PRDM10: variants seen among roughly 807,000 people sequenced by gnomAD.
PRDM10 encodes PR/SET domain 10.
A neutral mutation model predicts 133.1 loss-of-function variants in PRDM10; 65 were observed. That is an observed-to-expected ratio of 0.49 (90% CI 0.40 to 0.60). The LOEUF (loss-of-function observed/expected upper bound fraction) is 0.60, where lower values mean the gene tolerates loss of function less well. Ranked by LOEUF, PRDM10 falls within the 20% of genes least tolerant of loss-of-function variation. PRDM10 has a pLI of 0.00. For missense variants in PRDM10, 1,137 were observed against 1,507.1 expected (o/e 0.75, Z 4.07); for synonymous variants, 582 against 580.4 (o/e 1.00, Z -0.04).
In PRDM10 at chr11:129,929,739, G is replaced by GT. The variant is rs540427228; in HGVS notation, c.1530+1276dup. Among the ~76,000 whole-genome samples the GT allele has an allele frequency of 1.7e-3, 213 of 123,742 alleles. 1 individual carries two copies. The highest frequency in any genetic ancestry group is 4.1e-3 in the Middle Eastern group (1 of 242). 81.2% of individuals were successfully genotyped at this position (123,742 alleles called of 152,430 possible). ...AACTTCACTGCATGTGTGGGCTTCG[G>GT]TTTTTTTTTTTCCTTCCAAAAAAAA... On this transcript the variant is annotated intron_variant, in intron 11 of 20. Coordinates refer to ENST00000360871, the MANE Select transcript of PRDM10 (RefSeq NM_199437.2).
Position 129,945,220 on chromosome 11 carries a change from T to C in PRDM10, c.521-208A>G, listed in dbSNP as rs1386380884. Among the ~76,000 whole-genome samples, 2 of 152,134 alleles carry C rather than the reference T, an allele frequency of 1.3e-5. No individual in the cohort carries two copies. The highest frequency in any genetic ancestry group is 1.3e-4 in the Admixed American group (2 of 15,268). ...ATTCTCCTCTAAAATCAGACAGAATTTGCTTATGCCTGCCAAAAACAACTA... is the reference window on the plus strand; with the variant it reads ...ATTCTCCTCTAAAATCAGACAGAATCTGCTTATGCCTGCCAAAAACAACTA... On this transcript the variant is annotated intron_variant, in intron 5 of 20. Coordinates refer to ENST00000360871, the MANE Select transcript of PRDM10 (RefSeq NM_199437.2). The surrounding 1 kb of genome is among the most constrained non-coding windows in gnomAD (Gnocchi z 4.2).
Position 129,945,031 on chromosome 11 carries a change from C to A in PRDM10, c.521-19G>T. 1 of 1,607,508 alleles carries A rather than the reference C, an allele frequency of 6.2e-7. No homozygotes were observed. On this transcript the variant is annotated intron_variant, in intron 5 of 20. Transcript: ENST00000360871. This position sits in a 1 kb window ranked among gnomAD's most constrained non-coding sequence, Gnocchi z 4.2. Reference sequence around the variant, plus strand: ...TCACACCCTGCAAAAGAGAGACAGTCTTGAAGAAAAGTCCAATTCCTCAGT... The same window carrying A: ...TCACACCCTGCAAAAGAGAGACAGTATTGAAGAAAAGTCCAATTCCTCAGT...
chr11:129,920,020 ATCTT>A (rs1288860037), intron 13 of PRDM10, among the ~76,000 whole-genome samples: 1 of 152,198 alleles, frequency 6.6e-6, no homozygotes, highest in Non-Finnish European at 1.5e-5. Flanking sequence ...ACGTGACAGT[ATCTT>A]TCTTTAGTGT....
chr11:129,987,949 C>T lies in PRDM10; in HGVS notation c.-119+14773G>A, dbSNP rs373430398. 1.3e-4 allele frequency among the ~76,000 whole-genome samples: 20 copies of T among 152,084 alleles called. No individual in the cohort carries two copies. In the East Asian group the frequency reaches 2.3e-3, roughly 18 times the overall value. Reference sequence around the variant, plus strand: ...CCAGGAGGCGGAGCTTGCAGTGAGCCGAGATAGCGCCACTGCAGTCTGGCC... The same window carrying T: ...CCAGGAGGCGGAGCTTGCAGTGAGCTGAGATAGCGCCACTGCAGTCTGGCC... On this transcript the variant is annotated intron_variant, in intron 1 of 20. Transcript: ENST00000360871.
rs1374254533 is a variant in PRDM10, at chr11:129,899,763, C to T, written c.*2550G>A. Reference sequence around the variant, plus strand: ...TAAAAAATATATTTATTAATTTTTACACCTGCTGCATAGCACAAGACTATT... The same window carrying T: ...TAAAAAATATATTTATTAATTTTTATACCTGCTGCATAGCACAAGACTATT... On this transcript the variant is annotated 3_prime_UTR_variant, in exon 21 of 21. Transcript: ENST00000360871. The T allele has an allele frequency of 1.3e-5, 2 of 152,578 alleles. No individual in the cohort carries two copies. The highest frequency in any genetic ancestry group is 2.9e-5 in the Non-Finnish European group (2 of 68,032). The allele number at this position is 152,578 out of a possible 1,614,324, so 9.5% of individuals were successfully genotyped here. A position where few individuals can be genotyped will look rare whatever the true frequency, so the allele number is the denominator to read the frequency against.
At chr11:129,956,032 A>G (rs752302256) in intron 3 of PRDM10, among the ~76,000 whole-genome samples, 1 of 152,246 alleles carries the variant, frequency 6.6e-6, no homozygotes, top group Non-Finnish European at 1.5e-5. Flanking sequence ...TTCAAATGTA[A>G]GTGCATGTTT....
chr11:129,939,305 T>A (rs1259152617), intron 7 of PRDM10, among the ~76,000 whole-genome samples: 1 of 152,248 alleles, frequency 6.6e-6, no homozygotes, highest in Non-Finnish European at 1.5e-5. Context: ...ATATGATTTT[T>A]ACGGATTATT....
intron 17 of PRDM10, among the ~76,000 whole-genome samples, chr11:129,912,981 A>G (rs1950237290): frequency 6.6e-6 from 1 of 151,488 alleles, no homozygotes; most frequent in Admixed American, 6.6e-5. Flanking sequence ...AATCACTTGA[A>G]CCTGGGAGGC....
chr11:129,986,437 G>A (rs1437922889), intron 1 of PRDM10, among the ~76,000 whole-genome samples: 5 of 152,154 alleles, frequency 3.3e-5, no homozygotes, highest in African/African-American at 1.2e-4. Context: ...CGCCCAGGCT[G>A]GAGTGCAGTG....
At chr11:129,978,542 G>A (rs531537727) in intron 1 of PRDM10, among the ~76,000 whole-genome samples, 94 of 152,308 alleles carry the variant, frequency 6.2e-4, no homozygotes, top group Non-Finnish European at 1.1e-3. Context: ...CCAACCAACC[G>A]GGTGAGAAAA....
intron 20 of PRDM10, 38 bp from the exon 21 acceptor site, chr11:129,902,554 C>T: frequency 6.3e-7 from 1 of 1,593,234 alleles, no homozygotes; most frequent in South Asian, 1.1e-5. Context: ...AAACTTGGGG[C>T]CTTAAAGGGA....
In PRDM10 at chr11:129,927,176, C is replaced by CAAAAA. The variant is rs57015735; in HGVS notation, c.1531-1952_1531-1948dup. ...TGGAGGTTGCAGTGAGACTCTGTCT[C>CAAAAA]AAAAAAAAAAAAAAAAAAAAAAAAA... On this transcript the variant is annotated intron_variant, in intron 11 of 20. Coordinates refer to ENST00000360871, the MANE Select transcript of PRDM10 (RefSeq NM_199437.2). 3.0e-4 allele frequency among the ~76,000 whole-genome samples: 24 copies of CAAAAA among 79,372 alleles called. 1 individual carries two copies. The highest frequency in any genetic ancestry group is 3.3e-4 in the Non-Finnish European group (13 of 39,362). The allele number at this position is 79,372 out of a possible 152,430, so 52.1% of individuals were successfully genotyped here.
intron 11 of PRDM10, among the ~76,000 whole-genome samples, chr11:129,929,657 C>A (rs1950789382): frequency 6.6e-6 from 1 of 151,836 alleles, no homozygotes; most frequent in Non-Finnish European, 1.5e-5. Context: ...AAACCAGTAA[C>A]CCTGCTCATT....
chr11:129,919,430 T>A (rs988808891), intron 13 of PRDM10, among the ~76,000 whole-genome samples: 2 of 152,170 alleles, frequency 1.3e-5, no homozygotes, highest in African/African-American at 4.8e-5. Context: ...TTTTTCTAAA[T>A]CCCAAAAGAA....
At chr11:129,914,203 T>C (rs952434731) in intron 17 of PRDM10, among the ~76,000 whole-genome samples, 1 of 152,228 alleles carries the variant, frequency 6.6e-6, no homozygotes, top group Non-Finnish European at 1.5e-5. Context: ...GATTTTGCCA[T>C]GTTGGCCAGG....
chr11:129,978,307 C>T (rs1326745680), intron 1 of PRDM10, among the ~76,000 whole-genome samples: 2 of 152,092 alleles, frequency 1.3e-5, no homozygotes, highest in Non-Finnish European at 2.9e-5. Flanking sequence ...TGAGTTTATG[C>T]CACTGGGAAA....
chr11:129,942,380 A>C (rs1186765091), intron 7 of PRDM10, 46 bp downstream of exon 7: 3 of 1,568,182 alleles, frequency 1.9e-6, no homozygotes, highest in South Asian at 1.2e-5. Flanking sequence ...GCCCTAAACA[A>C]TCACTCTTGC....
Position 129,923,693 on chromosome 11 carries a change from A to AGAGAGAGAGT in PRDM10, c.1879-291_1879-290insACTCTCTCTC, listed in dbSNP as rs1491447398. The stretch of plus-strand genomic sequence containing the variant: ...GAGAGAGAGAGAGAGAGAGAGAGAG[A>AGAGAGAGAGT]GTGCTTGCTTGGTCAAAGCCCTGAT... On this transcript the variant is annotated intron_variant, in intron 12 of 20. Coordinates refer to ENST00000360871, the MANE Select transcript of PRDM10 (RefSeq NM_199437.2). The surrounding 1 kb of genome is among the most constrained non-coding windows in gnomAD (Gnocchi z 4.4). 1.5e-5 allele frequency among the ~76,000 whole-genome samples: 2 copies of AGAGAGAGAGT among 135,600 alleles called. No homozygotes were observed. The highest frequency in any genetic ancestry group is 5.6e-5 in the African/African-American group (2 of 35,418). 89.0% of individuals were successfully genotyped at this position (135,600 alleles called of 152,430 possible). A position where few individuals can be genotyped will look rare whatever the true frequency, so the allele number is the denominator to read the frequency against.
Position 129,902,177 on chromosome 11 carries a change from G to A in PRDM10, c.*136C>T. The A allele has an allele frequency of 8.0e-7, 1 of 1,252,564 alleles. No homozygotes were observed. The allele number at this position is 1,252,564 out of a possible 1,614,324, so 77.6% of individuals were successfully genotyped here. A position where few individuals can be genotyped will look rare whatever the true frequency, so the allele number is the denominator to read the frequency against. The stretch of plus-strand genomic sequence containing the variant: ...CTTGGCAAAATAAACCCCAGTGTAT[G>A]GATGAGAGACAAAACTGTGGTTTCC... On this transcript the variant is annotated 3_prime_UTR_variant, in exon 21 of 21. Transcript: ENST00000360871.
Sources: allele counts gnomAD v4.1 joint callset (sites outside exome capture counted in the v4.1 genomes callset), GRCh38; gene constraint gnomAD v4.1.1; non-coding constraint Gnocchi (gnomAD v3.1); transcripts MANE v1.5; gene names NCBI Gene and HGNC (gene_info 2026-07-23, HGNC 2026-07-21).